Variants in SEC24D observed in about 807,000 individuals in gnomAD.
SEC24D encodes the protein protein transport protein Sec24D.
Under a neutral mutation model 116.9 loss-of-function variants are expected in SEC24D, and 69 were observed. That is an observed-to-expected ratio of 0.59 (90% CI 0.49 to 0.72). The LOEUF (loss-of-function observed/expected upper bound fraction) is 0.72. Ranked by LOEUF, SEC24D falls within the 30% of genes least tolerant of loss-of-function variation. The pLI, the probability that SEC24D is intolerant of heterozygous loss-of-function variation, is 0.00. For synonymous variants in SEC24D, 405 were observed against 442.8 expected, an observed-to-expected ratio of 0.91 and a Z score of 1.07; for missense variants, 1,131 against 1,264.1, an observed-to-expected ratio of 0.89 and a Z score of 1.60.
chr4:118,761,524 C>T (rs898776395), intron 10 of SEC24D, among the ~76,000 whole-genome samples: 2 of 152,252 alleles, frequency 1.3e-5, no homozygotes, highest in African/African-American at 4.8e-5. Context: ...TACACATTCT[C>T]CCAACAATTT....
intron 22 of SEC24D, among the ~76,000 whole-genome samples, chr4:118,727,269 TTAAG>T (rs1186726924): frequency 2.6e-5 from 4 of 152,202 alleles, no homozygotes; most frequent in Non-Finnish European, 5.9e-5. Context: ...ATCTGATTCT[TTAAG>T]TATTCAAGCT....
rs1405340469 is a variant in SEC24D, at chr4:118,741,152, T to A, written c.1996-115A>T. ...ATTTTTAAAATCCCGATTTAGCATA[T>A]TTTTTTATTATATATTATGCTTCTT... On this transcript the variant is annotated intron_variant, in intron 15 of 22. Coordinates refer to ENST00000280551, the MANE Select transcript of SEC24D (RefSeq NM_014822.4). The A allele has an allele frequency of 1.3e-5, 7 of 545,458 alleles. No homozygotes were observed. The African/African-American group carries it at 1.3e-4, about 10-fold the overall frequency. The allele number at this position is 545,458 out of a possible 1,614,324, so 33.8% of individuals were successfully genotyped here. A position where few individuals can be genotyped will look rare whatever the true frequency, so the allele number is the denominator to read the frequency against.
intron 22 of SEC24D, among the ~76,000 whole-genome samples, chr4:118,727,961 C>T (rs1444304492): frequency 1.3e-5 from 2 of 152,092 alleles, no homozygotes; most frequent in African/African-American, 4.8e-5. Context: ...TGTCTTATAG[C>T]TCTTCAGTAA....
intron 8 of SEC24D, among the ~76,000 whole-genome samples, chr4:118,770,702 T>C (rs1000206369): frequency 6.6e-6 from 1 of 152,200 alleles, no homozygotes; most frequent in Non-Finnish European, 1.5e-5. Context: ...ATCACTGATA[T>C]GATTTGCTCA....
chr4:118,749,364 G>A (rs1726713050), intron 13 of SEC24D, among the ~76,000 whole-genome samples: 1 of 152,114 alleles, frequency 6.6e-6, no homozygotes, highest in Non-Finnish European at 1.5e-5. Context: ...GTTAGTTTTT[G>A]TCTACTGTTT....
At chr4:118,724,698 C>T (rs2110422323) in intron 22 of SEC24D, among the ~76,000 whole-genome samples, 1 of 152,160 alleles carries the variant, frequency 6.6e-6, no homozygotes, top group African/African-American at 2.4e-5. Flanking sequence ...TTGTCATGAA[C>T]ACTTTGAACC....
intron 6 of SEC24D, among the ~76,000 whole-genome samples, chr4:118,809,134 C>T (rs573119782): frequency 2.0e-5 from 3 of 152,172 alleles, no homozygotes; most frequent in South Asian, 2.1e-4. Context: ...CTACCACGCC[C>T]GGCTATATTT....
chr4:118,801,013 G>A (rs993409886), intron 7 of SEC24D, among the ~76,000 whole-genome samples: 4 of 152,084 alleles, frequency 2.6e-5, no homozygotes, highest in African/African-American at 7.2e-5. Context: ...TGTAATCCCA[G>A]CACTTTGGAA....
At chr4:118,813,375 A>C (rs905579482) in intron 6 of SEC24D, among the ~76,000 whole-genome samples, 11 of 152,216 alleles carry the variant, frequency 7.2e-5, no homozygotes, top group African/African-American at 2.7e-4. Context: ...GTAATTTATA[A>C]AGAAAAGACA....
chr4:118,763,131 A>C (rs1727467427), intron 10 of SEC24D, among the ~76,000 whole-genome samples: 2 of 152,184 alleles, frequency 1.3e-5, no homozygotes, highest in African/African-American at 4.8e-5. Flanking sequence ...GAACAACTAA[A>C]CTGTCCAAAA....
At chr4:118,781,486 G>C (rs1728410866) in intron 8 of SEC24D, among the ~76,000 whole-genome samples, 1 of 152,114 alleles carries the variant, frequency 6.6e-6, no homozygotes, top group African/African-American at 2.4e-5. Flanking sequence ...TCCCTTTGTG[G>C]GTAACCCGAC....
Position 118,815,122 on chromosome 4 carries a change from A to C in SEC24D, c.707T>G (p.Leu236Arg). 2 of 1,614,162 alleles carry C rather than the reference A, an allele frequency of 1.2e-6. No individual in the cohort carries two copies. The highest frequency in any genetic ancestry group is 1.7e-6 in the Non-Finnish European group (2 of 1,180,012). The part of the protein sequence containing the change: ...NSGPQMAGAQ[L>R]SYPGGFPGGP... Reference sequence around the variant, plus strand: ...TCCAGGGAAGCCTCCTGGGTAAGACAGTTGTGCGCCTGCCATCTGGGGACC... The same window carrying C: ...TCCAGGGAAGCCTCCTGGGTAAGACCGTTGTGCGCCTGCCATCTGGGGACC... Residue 236 changes from leucine to arginine, a missense_variant, in exon 6 of 23, where the codon CTG (leucine) becomes CGG (arginine). Physicochemically the swap from Leu to Arg is moderately radical, Grantham distance 102 (BLOSUM62 -2). Coordinates refer to ENST00000280551, the MANE Select transcript of SEC24D (RefSeq NM_014822.4).
chr4:118,808,542 A>G (rs887654744), intron 6 of SEC24D, among the ~76,000 whole-genome samples: 1 of 152,212 alleles, frequency 6.6e-6, no homozygotes, highest in Admixed American at 6.5e-5. Context: ...AAAGAATGGG[A>G]GATTAAAGTC....
intron 7 of SEC24D, among the ~76,000 whole-genome samples, chr4:118,800,470 C>T (rs1196925458): frequency 3.3e-5 from 5 of 152,104 alleles, no homozygotes; most frequent in African/African-American, 1.2e-4. Context: ...TTAGGACAAA[C>T]TGGAAATCCG....
chr4:118,732,471 AACTT>A (rs1303675918), intron 20 of SEC24D, among the ~76,000 whole-genome samples: 5 of 152,120 alleles, frequency 3.3e-5, no homozygotes, highest in African/African-American at 1.2e-4. Flanking sequence ...AGGATGCCCT[AACTT>A]CTGTGCTGAA....
At chr4:118,789,303 G>T (rs1316915079) in intron 8 of SEC24D, among the ~76,000 whole-genome samples, 1 of 152,172 alleles carries the variant, frequency 6.6e-6, no homozygotes, top group African/African-American at 2.4e-5. Flanking sequence ...TATAAGTTCT[G>T]CCAAAACTAT....
intron 4 of SEC24D, chr4:118,816,931 G>A (rs1010906420): frequency 1.2e-5 from 4 of 323,968 alleles, no homozygotes; most frequent in African/African-American, 9.0e-5. Flanking sequence ...ACAATACAAG[G>A]TTTAAATTAT....
chr4:118,747,311 G>T (rs1726583981), intron 13 of SEC24D, among the ~76,000 whole-genome samples: 1 of 144,420 alleles, frequency 6.9e-6, no homozygotes, highest in Admixed American at 7.1e-5. Flanking sequence ...TGTTGCCCCA[G>T]GGTGGAGTGC....
chr4:118,833,448 A>T, intron 2 of SEC24D, 131 bp downstream of exon 2: 1 of 641,492 alleles, frequency 1.6e-6, no homozygotes, highest in East Asian at 2.8e-5. Context: ...TTTCCAAATG[A>T]TCCTGTAATC....
Sources: gnomAD v4.1 joint callset for allele counts (sites outside exome capture counted in the v4.1 genomes callset) on GRCh38, gnomAD v4.1.1 for gene constraint, MANE v1.5 for transcripts, NCBI Gene and HGNC (gene_info 2026-07-23, HGNC 2026-07-21) for gene names.